Variants in CRY1 observed in about 807,000 individuals in gnomAD.
CRY1 encodes the protein cryptochrome circadian regulator 1.
Under a neutral mutation model 76.0 loss-of-function variants are expected in CRY1, and 45 were observed. The ratio of observed to expected loss-of-function variants is 0.59; its 90% CI spans 0.47 to 0.76. CRY1 has a LOEUF of 0.76. Among genes scored for constraint, CRY1 ranks in the 30% least tolerant of loss-of-function variants. The pLI is 0.00. For missense variants in CRY1, 587 were observed against 716.4 expected (o/e 0.82, Z 2.06); for synonymous variants, 248 against 244.0 (o/e 1.02, Z -0.15).
chr12:107,092,523 C>A (rs746058189), intron 1 of CRY1, among the ~76,000 whole-genome samples: 14 of 152,152 alleles, frequency 9.2e-5, no homozygotes, highest in Non-Finnish European at 1.6e-4. Context: ...TTCTTTAACT[C>A]CAGCACTAAG....
chr12:107,032,515 C>T (rs1219842035), intron 1 of CRY1, among the ~76,000 whole-genome samples: 1 of 151,906 alleles, frequency 6.6e-6, no homozygotes, highest in Non-Finnish European at 1.5e-5. Flanking sequence ...TACAGACACA[C>T]ACACACACAC....
chr12:107,003,170 G>A (rs938244574), intron 3 of CRY1, among the ~76,000 whole-genome samples: 2 of 152,016 alleles, frequency 1.3e-5, no homozygotes, highest in African/African-American at 4.8e-5. Flanking sequence ...CACATACTTA[G>A]AACACATAAG....
At position 106,991,749 on chromosome 12, in the gene CRY1, T is replaced by A. The variant is rs1952182606; in HGVS notation, c.*253A>T. ...TGAAAAATTATCAAAAATATATCGA[T>A]GGGTCTATACTAATTGTGACTGTTT... On this transcript the variant is annotated 3_prime_UTR_variant, in exon 13 of 13. Transcript: ENST00000008527. 6.6e-6 allele frequency: 1 copy of A among 152,584 alleles called. No homozygotes were observed. The highest frequency in any genetic ancestry group is 2.4e-5 in the African/African-American group (1 of 41,450). 9.5% of individuals were successfully genotyped at this position (152,584 alleles called of 1,614,324 possible).
rs781432900 is a variant in CRY1 at position 107,005,092 on chromosome 12, A to C, written c.410+14T>G. On this transcript the variant is annotated intron_variant, in intron 3 of 12. Coordinates refer to ENST00000008527, the MANE Select transcript of CRY1 (RefSeq NM_004075.5). ...TACGCATTTTCCCACAGTAAAAAAA[A>C]AAAAAGGACTCACTTGTCTAGGTCA... 2 of 1,587,940 alleles carry C rather than the reference A, an allele frequency of 1.3e-6. No homozygotes were observed. Among genetic ancestry groups the C allele is most frequent in the Non-Finnish European group, 1.7e-6 (2 of 1,172,438 alleles).
intron 1 of CRY1, among the ~76,000 whole-genome samples, chr12:107,064,831 T>C (rs1593533969): frequency 1.3e-5 from 2 of 152,304 alleles, no homozygotes; most frequent in East Asian, 3.9e-4. Flanking sequence ...GAAAAAGTAT[T>C]CACAAATATG....
At chr12:107,083,440 T>C (rs1953352711) in intron 1 of CRY1, among the ~76,000 whole-genome samples, 1 of 152,190 alleles carries the variant, frequency 6.6e-6, no homozygotes, top group Admixed American at 6.5e-5. Context: ...ATGAAAATAC[T>C]CAATAAAATA....
At chr12:107,018,446 G>A (rs1409410269) in intron 2 of CRY1, among the ~76,000 whole-genome samples, 2 of 152,140 alleles carry the variant, frequency 1.3e-5, no homozygotes, top group African/African-American at 2.4e-5. Flanking sequence ...AATTAGCAAG[G>A]TGTGGTGGTG....
intron 2 of CRY1, among the ~76,000 whole-genome samples, chr12:107,014,918 C>T (rs113761389): frequency 2.6e-5 from 4 of 152,182 alleles, no homozygotes; most frequent in Admixed American, 2.0e-4. Context: ...CACTCTGTTG[C>T]GCAGGCTAGA....
At chr12:107,022,816 C>T (rs1313489639) in intron 1 of CRY1, among the ~76,000 whole-genome samples, 1 of 149,698 alleles carries the variant, frequency 6.7e-6, no homozygotes, top group Non-Finnish European at 1.5e-5. Context: ...TATTAATTCC[C>T]TGAGTGTAGA....
intron 3 of CRY1, among the ~76,000 whole-genome samples, chr12:107,002,935 G>GC (rs1354315171): frequency 2.0e-5 from 3 of 152,160 alleles, no homozygotes; most frequent in African/African-American, 4.8e-5. Flanking sequence ...TGATTGTGAG[G>GC]CCTTCTGAGC....
At chr12:107,065,529 A>C (rs1004329241) in intron 1 of CRY1, among the ~76,000 whole-genome samples, 3 of 152,008 alleles carry the variant, frequency 2.0e-5, no homozygotes, top group African/African-American at 7.3e-5. Flanking sequence ...CTGGAGGTTG[A>C]GGTTGCAGTG....
intron 2 of CRY1, among the ~76,000 whole-genome samples, chr12:107,013,817 A>ATACTTTT (rs1442464596): frequency 1.3e-5 from 2 of 152,248 alleles, no homozygotes; most frequent in African/African-American, 4.8e-5. Flanking sequence ...GCTATTTTAA[A>ATACTTTT]AGATAAAATA....
chr12:107,019,945 A>T (rs1223398916), intron 2 of CRY1, among the ~76,000 whole-genome samples: 3 of 151,912 alleles, frequency 2.0e-5, no homozygotes, highest in African/African-American at 7.3e-5. Context: ...AAAAAAGGCA[A>T]CTCCACTTAG....
At chr12:107,009,507 C>T (rs1952415197) in intron 2 of CRY1, among the ~76,000 whole-genome samples, 1 of 148,344 alleles carries the variant, frequency 6.7e-6, no homozygotes, top group East Asian at 2.0e-4. Flanking sequence ...CCACTGCACT[C>T]CAGCCTGGGC....
intron 1 of CRY1, 42 bp from the exon 2 acceptor site, chr12:107,022,234 T>C: frequency 2.5e-6 from 3 of 1,182,398 alleles, no homozygotes; most frequent in Non-Finnish European, 3.5e-6. Flanking sequence ...AAAAAATACA[T>C]ATTTAGAAGA....
intron 4 of CRY1, 151 bp from the exon 5 acceptor site, chr12:107,001,519 T>A: frequency 1.4e-6 from 1 of 712,544 alleles, no homozygotes; most frequent in East Asian, 2.7e-5. Context: ...CTATAGAGGA[T>A]ATGACATGGT....
intron 1 of CRY1, among the ~76,000 whole-genome samples, chr12:107,024,824 G>A (rs1952590612): frequency 6.6e-6 from 1 of 152,106 alleles, no homozygotes; most frequent in African/African-American, 2.4e-5. Flanking sequence ...ATTTAAGTAT[G>A]GTGTTCTTCT....
At chr12:107,068,019 C>T (rs1393584152) in intron 1 of CRY1, among the ~76,000 whole-genome samples, 1 of 152,080 alleles carries the variant, frequency 6.6e-6, no homozygotes, top group Non-Finnish European at 1.5e-5. Flanking sequence ...GTTATATTTG[C>T]TAACTGGTTG....
intron 3 of CRY1, among the ~76,000 whole-genome samples, chr12:107,002,412 A>T (rs1053919084): frequency 6.6e-6 from 1 of 152,184 alleles, no homozygotes; most frequent in Non-Finnish European, 1.5e-5. Context: ...AATAAATTTT[A>T]TTGTATATAT....
Sources: allele counts gnomAD v4.1 joint callset (sites outside exome capture counted in the v4.1 genomes callset), GRCh38; gene constraint gnomAD v4.1.1; transcripts MANE v1.5; gene names NCBI Gene and HGNC (gene_info 2026-07-23, HGNC 2026-07-21).